The following COPS5 variants were observed in gnomAD, a reference collection of about 807,000 sequenced individuals.
COPS5 encodes the protein COP9 signalosome complex subunit 5.
In COPS5, 8 loss-of-function variants were observed where a neutral mutation model predicts 44.4. The observed-to-expected ratio is 0.18, with a 90% CI of 0.11 to 0.32. The LOEUF (loss-of-function observed/expected upper bound fraction) is 0.32. COPS5 is among the 10% of genes least tolerant of loss of function. COPS5 has a pLI of 1.00. For missense variants in COPS5, 159 were observed against 406.4 expected (o/e 0.39, Z 5.23); for synonymous variants, 122 against 142.8 (o/e 0.85, Z 1.04).
chr8:67,057,545 T>C (rs555533389), intron 3 of COPS5, 100 bp from the exon 4 acceptor site: 27 of 687,566 alleles, frequency 3.9e-5, no homozygotes, highest in Admixed American at 1.4e-4. Context: ...TAACACTATA[T>C]ACATACATAA....
intron 5 of COPS5, among the ~76,000 whole-genome samples, chr8:67,053,408 T>C (rs961875491): frequency 4.0e-5 from 6 of 150,982 alleles, no homozygotes; most frequent in Non-Finnish European, 7.4e-5. Flanking sequence ...CATAATAAAT[T>C]AAACACATCA....
chr8:67,060,565 C>T (rs1405760392), intron 1 of COPS5: 2 of 1,197,306 alleles, frequency 1.7e-6, no homozygotes, highest in South Asian at 1.3e-5. Context: ...AGAAGAAAGA[C>T]AAGTTACTGT....
At chr8:67,055,452 G>A (rs559605666) in intron 5 of COPS5, among the ~76,000 whole-genome samples, 124 of 152,324 alleles carry the variant, frequency 8.1e-4, no homozygotes, top group Middle Eastern at 6.8e-3. Context: ...TGGCTTGGGT[G>A]AAAAGGATAG....
At chr8:67,051,398 A>C (rs1804410895) in intron 5 of COPS5, 57 bp from the exon 6 acceptor site, 1 of 902,568 alleles carries the variant, frequency 1.1e-6, no homozygotes, top group Admixed American at 2.2e-5. Context: ...ACTACGTCAC[A>C]TAAAACTTAT....
intron 5 of COPS5, 56 bp downstream of exon 5, chr8:67,056,463 G>T: frequency 1.6e-6 from 1 of 613,590 alleles, no homozygotes. Context: ...CCAAAGTGCT[G>T]GGATTATAGG....
Position 67,045,885 on chromosome 8 carries a change from C to A in COPS5, c.847G>T (p.Gly283Trp), listed in dbSNP as rs1816694210. The A allele has an allele frequency of 6.2e-7, 1 of 1,614,040 alleles. No individual in the cohort carries two copies. The highest frequency in any genetic ancestry group is 1.7e-5 in the Admixed American group (1 of 59,990). ...LEQSEAQLGR[G>W]SFMLGLETHD... ...GTTTCTAAACCCAACATGAAACTCCCTCGTCCCAGCTGGGCTTCTGACTGC... is the reference window on the plus strand; with the variant it reads ...GTTTCTAAACCCAACATGAAACTCCATCGTCCCAGCTGGGCTTCTGACTGC... The change falls in exon 7 of 8, where the codon GGG (glycine) becomes TGG (tryptophan). Residue 283 changes from glycine to tryptophan, a missense_variant. Physicochemically the swap from Gly to Trp is radical, Grantham distance 184. Around this residue, in one of 2 missense-constraint regions of COPS5, gnomAD observed 134 missense variants for 376.7 expected, o/e 0.36. Coordinates refer to ENST00000357849, the MANE Select transcript of COPS5 (RefSeq NM_006837.3).
Position 67,051,371 on chromosome 8 carries a change from G to GT in COPS5, c.660-31dup, listed in dbSNP as rs769952273. Reference sequence around the variant, plus strand: ...GAAATAAAAGCATAAAATTTAGTAAGTAAAAAAAAAAATTCAACTACGTCA... The same window carrying GT: ...GAAATAAAAGCATAAAATTTAGTAAGTTAAAAAAAAAAATTCAACTACGTCA... On this transcript the variant is annotated intron_variant, in intron 5 of 7. Transcript: ENST00000357849. 1.2e-5 allele frequency: 15 copies of GT among 1,299,864 alleles called. No homozygotes were observed. The African/African-American group carries it at 1.7e-4, about 14-fold the overall frequency. The allele number at this position is 1,299,864 out of a possible 1,614,324, so 80.5% of individuals were successfully genotyped here.
At chr8:67,049,328 G>C (rs550780792) in intron 6 of COPS5, among the ~76,000 whole-genome samples, 1 of 152,164 alleles carries the variant, frequency 6.6e-6, no homozygotes, top group Non-Finnish European at 1.5e-5. Context: ...GCCAGGTGTG[G>C]TGGCTCACCC....
At chr8:67,060,561 A>C (rs1411813598) in intron 1 of COPS5, 3 of 1,230,854 alleles carry the variant, frequency 2.4e-6, no homozygotes, top group Admixed American at 2.3e-5. Context: ...GAAAAGAAGA[A>C]AGACAAGTTA....
At chr8:67,060,368 T>C (rs927463559) in intron 1 of COPS5, 1 of 1,217,386 alleles carries the variant, frequency 8.2e-7, no homozygotes, top group Non-Finnish European at 1.0e-6. Context: ...CCAAGCAACT[T>C]AAGCAGCCTT....
chr8:67,043,426 A>G, intron 7 of COPS5, 109 bp from the exon 8 acceptor site: 1 of 614,208 alleles, frequency 1.6e-6, no homozygotes, highest in Non-Finnish European at 2.8e-6. Flanking sequence ...AGTTTTATTC[A>G]TACTTCTCAA....
intron 4 of COPS5, 84 bp from the exon 5 acceptor site, chr8:67,056,688 T>G (rs1290771451): frequency 3.6e-5 from 3 of 82,208 alleles, no homozygotes; most frequent in African/African-American, 1.7e-4. Flanking sequence ...TATATATATA[T>G]ATATATATAT....
chr8:67,046,947 A>T (rs2129537745), intron 6 of COPS5, among the ~76,000 whole-genome samples: 1 of 152,168 alleles, frequency 6.6e-6, no homozygotes, highest in African/African-American at 2.4e-5. Context: ...TAATCTCTTC[A>T]CTTAGCTATA....
At position 67,061,676 on chromosome 8, in the gene COPS5, G is replaced by A. The variant is rs1243919486; in HGVS notation, c.143+178C>T. The A allele has an allele frequency of 4.7e-6, 3 of 632,184 alleles. No homozygotes were observed. The East Asian group carries it at 8.4e-5, about 18-fold the overall frequency. The allele number at this position is 632,184 out of a possible 1,614,324, so 39.2% of individuals were successfully genotyped here. A position where few individuals can be genotyped will look rare whatever the true frequency, so the allele number is the denominator to read the frequency against. ...CGGGGGCAAATGGATTAAAGCGACA[G>A]AAAGGGGAGTGAAAGCCCCAGCGGA... On this transcript the variant is annotated intron_variant, in intron 1 of 7. Transcript: ENST00000357849.
intron 4 of COPS5, 137 bp downstream of exon 4, chr8:67,057,243 G>A: frequency 6.9e-6 from 3 of 433,472 alleles, no homozygotes; most frequent in Non-Finnish European, 1.2e-5. Flanking sequence ...TACCGTCCCA[G>A]CTACTTGGGA....
chr8:67,057,069 G>A (rs1016717748), intron 4 of COPS5, among the ~76,000 whole-genome samples: 1 of 152,000 alleles, frequency 6.6e-6, no homozygotes, highest in Non-Finnish European at 1.5e-5. Flanking sequence ...TAACATAAAT[G>A]TATTACCCTT....
intron 5 of COPS5, among the ~76,000 whole-genome samples, chr8:67,054,518 C>A (rs1355650185): frequency 6.6e-6 from 1 of 151,908 alleles, no homozygotes; most frequent in Non-Finnish European, 1.5e-5. Flanking sequence ...TGCCTGTAGT[C>A]CCTGGGCAAC....
intron 2 of COPS5, 131 bp downstream of exon 2, chr8:67,059,080 T>G: frequency 1.6e-6 from 1 of 625,578 alleles, no homozygotes; most frequent in Non-Finnish European, 2.7e-6. Flanking sequence ...ATCTCGTACA[T>G]TTTACATATA....
rs1009435699 is a variant in COPS5, at chr8:67,051,476, A to G, written c.660-135T>C. The G allele has an allele frequency of 3.2e-5, 19 of 587,486 alleles. No homozygotes were observed. In the African/African-American group the frequency reaches 3.3e-4, roughly 10 times the overall value. 36.4% of individuals were successfully genotyped at this position (587,486 alleles called of 1,614,324 possible). ...ATTTTAGTCTTTATTCCAATAAGGC[A>G]ATAGCTAACCATGGTTTCCTCACAC... On this transcript the variant is annotated intron_variant, in intron 5 of 7. Transcript: ENST00000357849.
Sources: gnomAD v4.1 joint callset for allele counts (sites outside exome capture counted in the v4.1 genomes callset) on GRCh38, gnomAD v4.1.1 for gene constraint, gnomAD v4.1.1 regional missense constraint, MANE v1.5 for transcripts, NCBI Gene and HGNC (gene_info 2026-07-23, HGNC 2026-07-21) for gene names.